The following S100A8 variants were observed in gnomAD, a reference collection of about 807,000 sequenced individuals.
S100A8 encodes the protein protein S100-A8.
S100A8 carries 1 observed loss-of-function variant against 4.2 expected under a neutral mutation model. That is an observed-to-expected ratio of 0.24 (90% CI 0.08 to 1.12). The LOEUF (loss-of-function observed/expected upper bound fraction) is 1.12. S100A8 is among the 50% of genes most tolerant of loss of function. The pLI is 0.53. For missense variants in S100A8, 96 were observed against 111.8 expected (o/e 0.86, Z 0.64); for synonymous variants, 41 against 44.7 (o/e 0.92, Z 0.33).
chr1:153,394,253 C>T (rs1453960002), upstream of S100A8, among the ~76,000 whole-genome samples: 2 of 152,262 alleles, frequency 1.3e-5, no homozygotes, highest in East Asian at 3.9e-4. Flanking sequence ...GAAGAAACCC[C>T]CAGAAGGGGG....
chr1:153,403,789 T>C, the S100A8 span, among the ~76,000 whole-genome samples: 1 of 152,230 alleles, frequency 6.6e-6, no homozygotes, highest in African/African-American at 2.4e-5. Flanking sequence ...ATATTTCCTT[T>C]TTTTAAAATC....
At chr1:153,403,762 C>T in the S100A8 span, among the ~76,000 whole-genome samples, 1 of 152,156 alleles carries the variant, frequency 6.6e-6, no homozygotes, top group Admixed American at 6.5e-5. Context: ...ACTTTTGACG[C>T]CAAATGTGTG....
the S100A8 span, among the ~76,000 whole-genome samples, chr1:153,415,172 T>TTG: frequency 2.0e-5 from 3 of 150,806 alleles, no homozygotes; most frequent in African/African-American, 7.4e-5. Flanking sequence ...GTGTGTGTGT[T>TTG]TGTGTGTGTG....
chr1:153,404,326 C>T, the S100A8 span, among the ~76,000 whole-genome samples: 3 of 152,196 alleles, frequency 2.0e-5, no homozygotes, highest in African/African-American at 7.2e-5. Context: ...TCTGTGGAGG[C>T]CCAGTGTGGG....
upstream of S100A8, among the ~76,000 whole-genome samples, chr1:153,395,457 G>T (rs1156692953): frequency 1.3e-5 from 2 of 152,118 alleles, no homozygotes; most frequent in South Asian, 2.1e-4. Flanking sequence ...CTCTCCCTCA[G>T]TCTGCGCCCA....
At chr1:153,400,691 G>A in the S100A8 span, among the ~76,000 whole-genome samples, 2 of 152,098 alleles carry the variant, frequency 1.3e-5, no homozygotes, top group Non-Finnish European at 2.9e-5. Context: ...TAAAAACATG[G>A]CTTGAATTTC....
the S100A8 span, among the ~76,000 whole-genome samples, chr1:153,397,791 C>T: frequency 6.6e-6 from 1 of 152,180 alleles, no homozygotes; most frequent in Non-Finnish European, 1.5e-5. Context: ...CAGAGAGGAG[C>T]TGGAGGCTTC....
chr1:153,399,851 G>C, the S100A8 span, among the ~76,000 whole-genome samples: 16 of 152,208 alleles, frequency 1.1e-4, no homozygotes, highest in African/African-American at 3.4e-4. Context: ...CTAGACAGAG[G>C]ATATGGCACA....
chr1:153,399,305 C>T, the S100A8 span, among the ~76,000 whole-genome samples: 1 of 152,196 alleles, frequency 6.6e-6, no homozygotes, highest in Non-Finnish European at 1.5e-5. Flanking sequence ...CCTGAGGTGA[C>T]ATCACAACAC....
rs1043089043 is a variant in S100A8, at chr1:153,390,317, G to A, written c.142-74C>T. On this transcript the variant is annotated intron_variant, in intron 2 of 2. Coordinates refer to ENST00000368733, the MANE Select transcript of S100A8 (RefSeq NM_002964.5). ...AGCCGAGGCATAGCCATCTATGAAG[G>A]GTGGCAGGGAGGACCGCTGGCCCAG... The A allele has an allele frequency of 1.6e-5, 26 of 1,602,682 alleles. No homozygotes were observed. In the Admixed American group the frequency reaches 1.9e-4, roughly 11 times the overall value.
At chr1:153,393,225 C>A (rs913913360), upstream of S100A8, among the ~76,000 whole-genome samples, 1 of 152,198 alleles carries the variant, frequency 6.6e-6, no homozygotes, top group African/African-American at 2.4e-5. Flanking sequence ...TGCTCCAAGT[C>A]CATCCCTGAT....
the S100A8 span, chr1:153,418,043 A>G: frequency 6.2e-7 from 1 of 1,612,132 alleles, no homozygotes; most frequent in Admixed American, 1.7e-5. Flanking sequence ...AAGGTAAGAA[A>G]TGATTGTCTT....
the S100A8 span, among the ~76,000 whole-genome samples, chr1:153,401,931 C>T: frequency 8.9e-6 from 1 of 111,880 alleles, no homozygotes; most frequent in Admixed American, 8.3e-5. Context: ...CCTTTTTTAT[C>T]TTTAGGATTA....
the S100A8 span, among the ~76,000 whole-genome samples, chr1:153,400,739 G>A: frequency 2.0e-5 from 3 of 152,164 alleles, no homozygotes; most frequent in South Asian, 2.1e-4. Context: ...AAATTGTATC[G>A]AATTCTTTGG....
chr1:153,398,462 C>T, the S100A8 span, among the ~76,000 whole-genome samples: 1 of 152,200 alleles, frequency 6.6e-6, no homozygotes, highest in Admixed American at 6.5e-5. Context: ...CTGCTGCCAC[C>T]ACACTGTGCC....
At chr1:153,411,928 A>G in the S100A8 span, among the ~76,000 whole-genome samples, 2 of 152,226 alleles carry the variant, frequency 1.3e-5, no homozygotes, top group Non-Finnish European at 2.9e-5. Flanking sequence ...TGGCTAACCC[A>G]TATGTAGAAA....
the S100A8 span, among the ~76,000 whole-genome samples, chr1:153,399,609 T>G: frequency 1.3e-5 from 2 of 152,082 alleles, no homozygotes; most frequent in Non-Finnish European, 2.9e-5. Context: ...TGCTAGGCAA[T>G]ATGCATCAGA....
At chr1:153,419,700 G>A in the S100A8 span, 1 of 178,934 alleles carries the variant, frequency 5.6e-6, no homozygotes, top group South Asian at 1.8e-4. Flanking sequence ...ACTGCACTGA[G>A]AAGGAGCTGG....
the S100A8 span, among the ~76,000 whole-genome samples, chr1:153,415,675 C>A: frequency 2.1e-5 from 3 of 141,496 alleles, no homozygotes; most frequent in Non-Finnish European, 4.6e-5. Flanking sequence ...CAGGAAAGAA[C>A]TTTTCCCACT....
Sources: allele counts gnomAD v4.1 joint callset (sites outside exome capture counted in the v4.1 genomes callset), GRCh38; gene constraint gnomAD v4.1.1; transcripts MANE v1.5; gene names NCBI Gene and HGNC (gene_info 2026-07-23, HGNC 2026-07-21).